The following UMAD1 variants were observed in gnomAD, a reference collection of about 807,000 sequenced individuals.
UMAD1 encodes UBAP1-MVB12-associated (UMA)-domain containing protein 1.
A neutral mutation model predicts 6.1 loss-of-function variants in UMAD1; 8 were observed. The ratio of observed to expected loss-of-function variants is 1.30; its 90% CI spans 0.76 to 2.35. UMAD1 has a LOEUF of 2.35. Ranked by LOEUF, UMAD1 falls within the 30% of genes most tolerant of loss-of-function variation. The probability of loss-of-function intolerance (pLI) is 0.00; values close to 1 mark genes in which losing one functional copy is unlikely to be tolerated. For synonymous variants in UMAD1, 56 were observed against 31.4 expected, an observed-to-expected ratio of 1.78 and a Z score of -2.61; for missense variants, 130 against 78.4, an observed-to-expected ratio of 1.66 and a Z score of -2.49.
intron 3 of UMAD1, among the ~76,000 whole-genome samples, chr7:7,807,817 A>G (rs886507374): frequency 2.6e-5 from 4 of 152,092 alleles, no homozygotes; most frequent in Non-Finnish European, 5.9e-5. Flanking sequence ...TTCCTGAAGT[A>G]GTGTTTGTCT....
rs147480913 is a variant in UMAD1, at chr7:7,706,841, A to G, written c.82+33388A>G. On this transcript the variant is annotated intron_variant, in intron 2 of 3. Coordinates refer to ENST00000682710, the MANE Select transcript of UMAD1 (RefSeq NM_001302348.2). ...ATCTGTTGGTTTTGTTATTTTTTGG[A>G]TAGAGCATCTTGACTTACTTAGATT... 2.6e-5 allele frequency among the ~76,000 whole-genome samples: 4 copies of G among 152,200 alleles called. No homozygotes were observed. In the East Asian group the frequency reaches 7.7e-4, roughly 29 times the overall value.
intron 2 of UMAD1, among the ~76,000 whole-genome samples, chr7:7,754,904 C>G (rs530964819): frequency 1.3e-5 from 2 of 152,290 alleles, no homozygotes; most frequent in South Asian, 4.1e-4. Context: ...GATTGCACAT[C>G]TTTTCGCAGC....
intron 1 of UMAD1, chr7:7,641,826 C>G (rs767564519): frequency 6.6e-6 from 1 of 152,300 alleles, no homozygotes; most frequent in East Asian, 1.9e-4. Flanking sequence ...CAAAAAAGAT[C>G]CGATTTGAGA....
At chr7:7,700,930 G>C (rs1322755664) in intron 2 of UMAD1, among the ~76,000 whole-genome samples, 2 of 151,990 alleles carry the variant, frequency 1.3e-5, no homozygotes, top group East Asian at 3.9e-4. Flanking sequence ...CATACCTGTA[G>C]TCCCACCTAC....
chr7:7,773,321 G>C (rs142122221), intron 2 of UMAD1, among the ~76,000 whole-genome samples: 27 of 152,312 alleles, frequency 1.8e-4, no homozygotes, highest in African/African-American at 6.3e-4. Flanking sequence ...CAGAAACCAT[G>C]AGAGGAGAAA....
intron 2 of UMAD1, among the ~76,000 whole-genome samples, chr7:7,706,396 A>C (rs1780600879): frequency 6.6e-6 from 1 of 152,170 alleles, no homozygotes; most frequent in Admixed American, 6.5e-5. Flanking sequence ...AGAGAAGTTC[A>C]GGAAATACCA....
intron 2 of UMAD1, among the ~76,000 whole-genome samples, chr7:7,778,226 TTGTGTG>T (rs61647575): frequency 0.015 from 1,930 of 126,364 alleles, 50 homozygotes; most frequent in African/African-American, 0.054. Context: ...AAAACTGGTT[TTGTGTG>T]TGTGTGTGTG....
intron 3 of UMAD1, among the ~76,000 whole-genome samples, chr7:7,819,331 T>C (rs1259679185): frequency 6.6e-6 from 1 of 152,248 alleles, no homozygotes; most frequent in Non-Finnish European, 1.5e-5. Context: ...GCCCCCATTT[T>C]TGATGTATCA....
intron 2 of UMAD1, among the ~76,000 whole-genome samples, chr7:7,775,057 C>A (rs530079005): frequency 6.6e-6 from 1 of 152,316 alleles, no homozygotes; most frequent in East Asian, 1.9e-4. Context: ...TTTAAGTTCA[C>A]TGTCATATGT....
chr7:7,746,510 A>G (rs919068763), intron 2 of UMAD1, among the ~76,000 whole-genome samples: 1 of 152,240 alleles, frequency 6.6e-6, no homozygotes, highest in African/African-American at 2.4e-5. Context: ...CTTTCATTTC[A>G]CACACGTTGC....
At chr7:7,662,456 G>A (rs1041161036) in intron 1 of UMAD1, among the ~76,000 whole-genome samples, 2 of 152,206 alleles carry the variant, frequency 1.3e-5, no homozygotes, top group Non-Finnish European at 2.9e-5. Flanking sequence ...AGGCACCGGC[G>A]GGAATCTCCT....
chr7:7,784,337 G>GTT (rs5882136), intron 2 of UMAD1, among the ~76,000 whole-genome samples: 4 of 113,700 alleles, frequency 3.5e-5, no homozygotes, highest in African/African-American at 6.9e-5. Flanking sequence ...TAAAATCTCT[G>GTT]TTTTTTTTTT....
chr7:7,825,871 T>C (rs1783329807), intron 3 of UMAD1, among the ~76,000 whole-genome samples: 1 of 152,134 alleles, frequency 6.6e-6, no homozygotes, highest in Non-Finnish European at 1.5e-5. Flanking sequence ...CTGCAGATAC[T>C]AAAATCTGAG....
chr7:7,719,050 A>G (rs969583145), intron 2 of UMAD1, among the ~76,000 whole-genome samples: 3 of 151,386 alleles, frequency 2.0e-5, no homozygotes, highest in Non-Finnish European at 1.5e-5. Context: ...TGGAGATGAC[A>G]TAACTTTCCT....
chr7:7,853,525 C>T (rs1783958919), intron 3 of UMAD1, among the ~76,000 whole-genome samples: 2 of 151,158 alleles, frequency 1.3e-5, no homozygotes, highest in African/African-American at 4.9e-5. Context: ...GAGTTTTGTA[C>T]TTCTTTCATT....
At chr7:7,678,470 T>G (rs2115116667) in intron 2 of UMAD1, among the ~76,000 whole-genome samples, 1 of 142,678 alleles carries the variant, frequency 7.0e-6, no homozygotes, top group African/African-American at 2.5e-5. Flanking sequence ...AATATATATT[T>G]ATATATTTAA....
chr7:7,850,428 C>T lies in UMAD1; in HGVS notation c.157-26853C>T, dbSNP rs376624329. 5.3e-5 allele frequency among the ~76,000 whole-genome samples: 8 copies of T among 152,120 alleles called. No homozygotes were observed. In the East Asian group the frequency reaches 7.7e-4, roughly 15 times the overall value. ...AAATTTTGCATCGTTCCTTTTTCTC[C>T]TTGAACTCAGATTTCCATCTACTTC... On this transcript the variant is annotated intron_variant, in intron 3 of 3. Transcript: ENST00000682710.
At chr7:7,764,027 A>G (rs1335429702) in intron 2 of UMAD1, among the ~76,000 whole-genome samples, 1 of 152,252 alleles carries the variant, frequency 6.6e-6, no homozygotes, top group Non-Finnish European at 1.5e-5. Context: ...GATTCAGCCT[A>G]AGAAAATGCA....
At chr7:7,820,911 C>T (rs182500260) in intron 3 of UMAD1, among the ~76,000 whole-genome samples, 2 of 152,186 alleles carry the variant, frequency 1.3e-5, no homozygotes, top group East Asian at 3.9e-4. Context: ...ATAATTAGAT[C>T]CTCAGAGAAA....
Sources: allele counts gnomAD v4.1 joint callset (sites outside exome capture counted in the v4.1 genomes callset), GRCh38; gene constraint gnomAD v4.1.1; transcripts MANE v1.5; gene names NCBI Gene and HGNC (gene_info 2026-07-23, HGNC 2026-07-21).